The following PAX9 variants were observed in gnomAD, a reference collection of about 807,000 sequenced individuals.
PAX9 encodes the protein paired box 9.
Under a neutral mutation model 29.1 loss-of-function variants are expected in PAX9, and 6 were observed. The observed-to-expected ratio is 0.21, with a 90% CI of 0.11 to 0.41. The LOEUF (loss-of-function observed/expected upper bound fraction) is 0.41, where lower values mean the gene tolerates loss of function less well. Ranked by LOEUF, PAX9 falls within the 10% of genes least tolerant of loss-of-function variation. The probability of loss-of-function intolerance (pLI) is 1.00; values close to 1 mark genes in which losing one functional copy is unlikely to be tolerated. For missense variants in PAX9, 443 were observed against 479.1 expected (o/e 0.92, Z 0.70); for synonymous variants, 217 against 211.7 (o/e 1.03, Z -0.22).
At chr14:36,669,735 T>G (rs1881638936) in intron 3 of PAX9, among the ~76,000 whole-genome samples, 1 of 152,152 alleles carries the variant, frequency 6.6e-6, no homozygotes, top group African/African-American at 2.4e-5. Context: ...ACATTTCAGC[T>G]ATGCATATAC....
chr14:36,663,722 A>G (rs895659682), intron 2 of PAX9, among the ~76,000 whole-genome samples, 199 bp downstream of exon 2: 17 of 152,168 alleles, frequency 1.1e-4, no homozygotes, highest in African/African-American at 3.6e-4. Context: ...CTTGCCACAC[A>G]CAGTCTTCTG....
chr14:36,658,597 G>A (rs1881130720), upstream of PAX9: 1 of 152,312 alleles, frequency 6.6e-6, no homozygotes, highest in African/African-American at 2.4e-5. Flanking sequence ...GGGGATACAG[G>A]GAGGGGTCCT....
chr14:36,663,577 C>T (rs1566468766), intron 2 of PAX9, 54 bp downstream of exon 2: 3 of 1,603,930 alleles, frequency 1.9e-6, no homozygotes, highest in African/African-American at 1.3e-5. Flanking sequence ...CCCGCACTCT[C>T]GCGGAGGTCC....
intron 3 of PAX9, among the ~76,000 whole-genome samples, chr14:36,668,535 C>T (rs1031682958): frequency 6.6e-6 from 1 of 152,038 alleles, no homozygotes; most frequent in Non-Finnish European, 1.5e-5. Context: ...ATTACAGGCA[C>T]GCGCCGCCAC....
chr14:36,663,865 T>C (rs1881389041), intron 2 of PAX9, among the ~76,000 whole-genome samples: 1 of 152,164 alleles, frequency 6.6e-6, no homozygotes, highest in African/African-American at 2.4e-5. Flanking sequence ...CGGCCGGGGC[T>C]GGACTTGGGG....
At chr14:36,663,836 C>T (rs1056284150) in intron 2 of PAX9, among the ~76,000 whole-genome samples, 5 of 152,206 alleles carry the variant, frequency 3.3e-5, no homozygotes, top group Non-Finnish European at 4.4e-5. Flanking sequence ...CTCAGCCCGG[C>T]TTGCTCACTT....
chr14:36,666,208 G>C (rs971801927), intron 2 of PAX9: 5 of 536,742 alleles, frequency 9.3e-6, no homozygotes, highest in African/African-American at 5.7e-5. Flanking sequence ...GGTTGAAAAA[G>C]AAAAAAGTGT....
intron 3 of PAX9, among the ~76,000 whole-genome samples, chr14:36,667,472 C>G (rs1473156604): frequency 6.6e-6 from 1 of 152,056 alleles, no homozygotes; most frequent in Non-Finnish European, 1.5e-5. Context: ...CCAGCAGACC[C>G]CAGTAGGTTT....
upstream of PAX9, among the ~76,000 whole-genome samples, chr14:36,661,119 T>G (rs751783988): frequency 6.6e-6 from 1 of 152,238 alleles, no homozygotes; most frequent in Non-Finnish European, 1.5e-5. Context: ...GCACTGGCAA[T>G]TGGTCGACTT....
In PAX9 at chr14:36,676,550, A is replaced by C; in HGVS notation, c.*98A>C. ...TCACATCCCACCCCTCCTGCCCTCCAACCCTTCTGCCTTGAAAGCTGGCTG... is the reference window on the plus strand; with the variant it reads ...TCACATCCCACCCCTCCTGCCCTCCCACCCTTCTGCCTTGAAAGCTGGCTG... On this transcript the variant is annotated 3_prime_UTR_variant, in exon 4 of 4. Coordinates refer to ENST00000361487, the MANE Select transcript of PAX9 (RefSeq NM_001372076.1). 1 of 1,396,890 alleles carries C rather than the reference A, an allele frequency of 7.2e-7. No individual in the cohort carries two copies. The highest frequency in any genetic ancestry group is 9.9e-7 in the Non-Finnish European group (1 of 1,011,354). The allele number at this position is 1,396,890 out of a possible 1,614,324, so 86.5% of individuals were successfully genotyped here.
Position 36,678,763 on chromosome 14 carries a change from A to AT in PAX9, c.*2315dup. The AT allele has an allele frequency of 9.1e-7, 1 of 1,097,414 alleles. No individual in the cohort carries two copies. Among genetic ancestry groups the AT allele is most frequent in the Non-Finnish European group, 1.1e-6 (1 of 894,626 alleles). 68.0% of individuals were successfully genotyped at this position (1,097,414 alleles called of 1,614,324 possible). A position where few individuals can be genotyped will look rare whatever the true frequency, so the allele number is the denominator to read the frequency against. ...TTTATAATTTTTTTCTGGTTCTTGT[A>AT]TTTTAAAAAATCTAATATTAATGGT... On this transcript the variant is annotated 3_prime_UTR_variant, in exon 4 of 4. Coordinates refer to ENST00000361487, the MANE Select transcript of PAX9 (RefSeq NM_001372076.1).
chr14:36,662,149 G>T, intron 1 of PAX9, 56 bp downstream of exon 1: 11 of 882,504 alleles, frequency 1.2e-5, no homozygotes, highest in Non-Finnish European at 1.9e-5. Flanking sequence ...GGAGCGAGCG[G>T]GCAAGGGAGG....
Position 36,662,083 on chromosome 14 carries a change from C to T in PAX9, c.-7C>T. On this transcript the variant is annotated 5_prime_UTR_variant, in exon 1 of 4. Transcript: ENST00000361487. ...ACTGGGGCCGGGTTGGTGTACTGCT[C>T]GGAGCAATGGGTGAGTGGCGGCGGG... 1 of 1,350,018 alleles carries T rather than the reference C, an allele frequency of 7.4e-7. No homozygotes were observed. Among genetic ancestry groups the T allele is most frequent in the Non-Finnish European group, 9.8e-7 (1 of 1,023,358 alleles). The allele number at this position is 1,350,018 out of a possible 1,614,324, so 83.6% of individuals were successfully genotyped here. A position where few individuals can be genotyped will look rare whatever the true frequency, so the allele number is the denominator to read the frequency against.
intron 2 of PAX9, among the ~76,000 whole-genome samples, chr14:36,664,509 C>A (rs936579736): frequency 6.6e-6 from 1 of 151,948 alleles, no homozygotes; most frequent in African/African-American, 2.4e-5. Context: ...AAGGATTCCC[C>A]GAGCCCTCCT....
At position 36,678,819 on chromosome 14, in the gene PAX9, T is replaced by TAAC; in HGVS notation, c.*2369_*2371dup. On this transcript the variant is annotated 3_prime_UTR_variant, in exon 4 of 4. Coordinates refer to ENST00000361487, the MANE Select transcript of PAX9 (RefSeq NM_001372076.1). ...AGTTTCCTTTTCTCCCTCTAGGTCT[T>TAAC]AACAGTGAATTCACATGGAGTAATT... 1 of 996,702 alleles carries TAAC rather than the reference T, an allele frequency of 1.0e-6. No individual in the cohort carries two copies. The highest frequency in any genetic ancestry group is 1.2e-6 in the Non-Finnish European group (1 of 828,700). 61.7% of individuals were successfully genotyped at this position (996,702 alleles called of 1,614,324 possible).
chr14:36,661,574 C>T (rs549241954), upstream of PAX9: 2 of 181,930 alleles, frequency 1.1e-5, no homozygotes, highest in Non-Finnish European at 2.3e-5. Flanking sequence ...CTTCTCCCTT[C>T]GAGTCATTCA....
chr14:36,661,123 T>C (rs959472925), upstream of PAX9, among the ~76,000 whole-genome samples: 1 of 152,264 alleles, frequency 6.6e-6, no homozygotes. Flanking sequence ...TGGCAATTGG[T>C]CGACTTGGGG....
At chr14:36,663,630 A>G (rs1334459206) in intron 2 of PAX9, 107 bp downstream of exon 2, 53 of 1,433,450 alleles carry the variant, frequency 3.7e-5, no homozygotes, top group Non-Finnish European at 5.1e-5. Flanking sequence ...CCACCACCTG[A>G]GGCTTTTTCC....
At chr14:36,660,837 TTTAGA>T (rs1276761138), upstream of PAX9, among the ~76,000 whole-genome samples, 1 of 152,250 alleles carries the variant, frequency 6.6e-6, no homozygotes, top group African/African-American at 2.4e-5. Flanking sequence ...TACGGTACAC[TTTAGA>T]TTAGACTTAC....
Sources: allele counts gnomAD v4.1 joint callset (sites outside exome capture counted in the v4.1 genomes callset), GRCh38; gene constraint gnomAD v4.1.1; transcripts MANE v1.5; gene names NCBI Gene and HGNC (gene_info 2026-07-23, HGNC 2026-07-21).